TOPBP1: variants seen among roughly 807,000 people sequenced by gnomAD.
TOPBP1 encodes the protein DNA topoisomerase II binding protein 1, also known as DNA topoisomerase 2-binding protein 1.
Under a neutral mutation model 167.7 loss-of-function variants are expected in TOPBP1, and 28 were observed. That is an observed-to-expected ratio of 0.17 (90% CI 0.12 to 0.23). TOPBP1 has a LOEUF of 0.23. TOPBP1 is among the 10% of genes least tolerant of loss of function. The pLI is 1.00. For synonymous variants in TOPBP1, 598 were observed against 611.4 expected, an observed-to-expected ratio of 0.98 and a Z score of 0.32; for missense variants, 1,554 against 1,809.6, an observed-to-expected ratio of 0.86 and a Z score of 2.56.
chr3:133,620,098 C>T (rs760053757), intron 20 of TOPBP1, 57 bp downstream of exon 20: 106 of 1,497,480 alleles, frequency 7.1e-5, no homozygotes, highest in Non-Finnish European at 9.1e-5. Flanking sequence ...GCAGCAGGTA[C>T]GTAAATCCTT....
chr3:133,656,885 T>C (rs768371654), intron 4 of TOPBP1, 28 bp from the exon 5 acceptor site: 24 of 1,490,502 alleles, frequency 1.6e-5, no homozygotes, highest in Non-Finnish European at 2.1e-5. Flanking sequence ...AACACATTAA[T>C]GCTGAAGCAA....
At chr3:133,604,851 G>A (rs1226802458) in intron 27 of TOPBP1, among the ~76,000 whole-genome samples, 1 of 151,822 alleles carries the variant, frequency 6.6e-6, no homozygotes, top group Non-Finnish European at 1.5e-5. Flanking sequence ...CCTAGGAGGT[G>A]GAGGTTGCAG....
At chr3:133,632,931 C>A (rs1004151008) in intron 14 of TOPBP1, among the ~76,000 whole-genome samples, 1 of 152,126 alleles carries the variant, frequency 6.6e-6, no homozygotes, top group African/African-American at 2.4e-5. Flanking sequence ...CACCACCACA[C>A]CCAGCTAATT....
rs1223007788 is a variant in TOPBP1, at chr3:133,656,837, T to C, written c.384A>G (p.Val128=). The change falls in exon 5 of 28, where the codon GTA becomes GTG. Residue 128 remains valine, a synonymous_variant. Coordinates refer to ENST00000260810, the MANE Select transcript of TOPBP1 (RefSeq NM_007027.4). The part of the protein sequence containing the change: ...KEKREEVHKY[V]QMMGGRVYRD... ...TGTATACTCGTCCGCCCATCATTTG[T>C]ACATATTTATGAACTTCTTCCTGCA... 6.3e-7 allele frequency: 1 copy of C among 1,589,300 alleles called. No individual in the cohort carries two copies. The highest frequency in any genetic ancestry group is 1.2e-5 in the South Asian group (1 of 86,360).
At chr3:133,623,598 C>T (rs1253168275) in intron 17 of TOPBP1, 141 bp from the exon 18 acceptor site, 1 of 962,280 alleles carries the variant, frequency 1.0e-6, no homozygotes, top group South Asian at 2.8e-5. Context: ...GTAGTTTACA[C>T]TGAAAAATTT....
chr3:133,650,416 T>C (rs924194407), intron 8 of TOPBP1, among the ~76,000 whole-genome samples: 1 of 151,076 alleles, frequency 6.6e-6, no homozygotes, highest in African/African-American at 2.4e-5. Context: ...TTAACGACAA[T>C]AGGCAAGTTG....
chr3:133,652,347 G>C (rs539354852), intron 8 of TOPBP1, 116 bp downstream of exon 8: 6 of 1,079,166 alleles, frequency 5.6e-6, no homozygotes, highest in Non-Finnish European at 8.0e-6. Flanking sequence ...CTTAGCTAGA[G>C]TGGAGGGTTT....
At chr3:133,660,832 AAT>A (rs1936678675) in intron 2 of TOPBP1, among the ~76,000 whole-genome samples, 1 of 152,214 alleles carries the variant, frequency 6.6e-6, no homozygotes, top group African/African-American at 2.4e-5. Context: ...ATTAAACAGC[AAT>A]GTGATAATAG....
chr3:133,617,967 A>G (rs1934955403), intron 21 of TOPBP1, among the ~76,000 whole-genome samples: 1 of 152,204 alleles, frequency 6.6e-6, no homozygotes, highest in African/African-American at 2.4e-5. Context: ...GGTAGACACC[A>G]TGTCTAGAAA....
At chr3:133,620,074 A>C in intron 20 of TOPBP1, 81 bp downstream of exon 20, 2 of 1,415,288 alleles carry the variant, frequency 1.4e-6, no homozygotes, top group Admixed American at 5.6e-5. Flanking sequence ...GGCCAAGCTC[A>C]TGGAATTGAG....
chr3:133,657,974 G>A, intron 3 of TOPBP1, 33 bp from the exon 4 acceptor site: 11 of 1,483,720 alleles, frequency 7.4e-6, no homozygotes, highest in Non-Finnish European at 9.8e-6. Flanking sequence ...AATGAGTTAA[G>A]AAGGAAAAGA....
intron 13 of TOPBP1, among the ~76,000 whole-genome samples, chr3:133,639,151 C>T (rs1438614869): frequency 6.6e-6 from 1 of 152,176 alleles, no homozygotes; most frequent in African/African-American, 2.4e-5. Flanking sequence ...ACTATAAAGA[C>T]ACATGTACAC....
rs751654083 is a variant in TOPBP1, at chr3:133,640,047, G to A, written c.2145C>T (p.Ala715=). ...TCTCCAACAGCCAAGCTATAGTAAC[G>A]GCAGGTAAATTCCACTTCTTTGCAG... The part of the protein sequence containing the change: ...YEAAKKWNLP[A]VTIAWLLETA... The change falls in exon 13 of 28, where the codon GCC becomes GCT. Residue 715 remains alanine, a synonymous_variant. Transcript: ENST00000260810. 8 of 1,613,640 alleles carry A rather than the reference G, an allele frequency of 5.0e-6. No individual in the cohort carries two copies. The highest frequency in any genetic ancestry group is 4.4e-5 in the South Asian group (4 of 91,076).
At chr3:133,644,687 T>C (rs75777380) in intron 10 of TOPBP1, among the ~76,000 whole-genome samples, 153 of 152,282 alleles carry the variant, frequency 1.0e-3, no homozygotes, top group Middle Eastern at 3.4e-3. Flanking sequence ...TGATTCACCA[T>C]AAAATTAAGA....
At chr3:133,649,169 T>C (rs530523535) in intron 10 of TOPBP1, among the ~76,000 whole-genome samples, 24 of 152,230 alleles carry the variant, frequency 1.6e-4, no homozygotes, top group African/African-American at 5.5e-4. Context: ...CAAATCAAAA[T>C]AGAGCTAGTT....
At chr3:133,607,930 C>T (rs771011978) in intron 27 of TOPBP1, among the ~76,000 whole-genome samples, 2 of 152,156 alleles carry the variant, frequency 1.3e-5, no homozygotes, top group Non-Finnish European at 2.9e-5. Flanking sequence ...TGAGTGTTGG[C>T]CTCCCCTTAT....
At chr3:133,634,244 C>T (rs1935589771) in intron 14 of TOPBP1, among the ~76,000 whole-genome samples, 1 of 152,240 alleles carries the variant, frequency 6.6e-6, no homozygotes, top group African/African-American at 2.4e-5. Flanking sequence ...TGTTGTGGCT[C>T]ATGCCTGTAA....
intron 16 of TOPBP1, 171 bp downstream of exon 16, chr3:133,628,191 G>A (rs987879325): frequency 3.2e-5 from 20 of 627,840 alleles, no homozygotes; most frequent in Non-Finnish European, 4.7e-5. Context: ...GAATTGATAT[G>A]TGAGAGGCTA....
chr3:133,602,744 A>G (rs1199109736), intron 27 of TOPBP1, among the ~76,000 whole-genome samples: 1 of 152,190 alleles, frequency 6.6e-6, no homozygotes, highest in Non-Finnish European at 1.5e-5. Flanking sequence ...ACATAAATGA[A>G]TGAGTATGGC....
Sources: allele counts gnomAD v4.1 joint callset (sites outside exome capture counted in the v4.1 genomes callset), GRCh38; gene constraint gnomAD v4.1.1; transcripts MANE v1.5; gene names NCBI Gene and HGNC (gene_info 2026-07-23, HGNC 2026-07-21).